ZDHHC23: variants seen among roughly 807,000 people sequenced by gnomAD.
ZDHHC23 encodes the protein zDHHC palmitoyltransferase 23, also known as palmitoyltransferase ZDHHC23.
In ZDHHC23, 41 loss-of-function variants were observed where a neutral mutation model predicts 40.2. That is an observed-to-expected ratio of 1.02 (90% confidence interval 0.79 to 1.32). The LOEUF (loss-of-function observed/expected upper bound fraction) is 1.32. Ranked by LOEUF, ZDHHC23 falls within the 40% of genes most tolerant of loss-of-function variation. The pLI is 0.00. For synonymous variants in ZDHHC23, 204 were observed against 210.2 expected, an observed-to-expected ratio of 0.97 and a Z score of 0.26; for missense variants, 471 against 541.5, an observed-to-expected ratio of 0.87 and a Z score of 1.29.
Position 113,960,187 on chromosome 3 carries a change from TC to T in ZDHHC23, c.*1559del. Reference sequence around the variant, plus strand: ...AGGAAATATTGCTACTTCCTGCACTTCCACCCTCTGCAGCCAGCACCGTCCC... The same window carrying T: ...AGGAAATATTGCTACTTCCTGCACTTCACCCTCTGCAGCCAGCACCGTCCC... On this transcript the variant is annotated 3_prime_UTR_variant, in exon 5 of 5. Transcript: ENST00000638807. 1 of 991,004 alleles carries T rather than the reference TC, an allele frequency of 1.0e-6. No individual in the cohort carries two copies. Among genetic ancestry groups the T allele is most frequent in the Non-Finnish European group, 1.2e-6 (1 of 833,272 alleles). 61.4% of individuals were successfully genotyped at this position (991,004 alleles called of 1,614,324 possible). A position where few individuals can be genotyped will look rare whatever the true frequency, so the allele number is the denominator to read the frequency against.
chr3:113,960,417 T>C lies in ZDHHC23; in HGVS notation c.*1787T>C, dbSNP rs150423123. ...TCTAGAATTAAAGTTGGATTTGATA[T>C]AACAAATTTCTTTCTATACAGGTTT... is the stretch of plus-strand genomic sequence containing the variant. On this transcript the variant is annotated 3_prime_UTR_variant, in exon 5 of 5. Coordinates refer to ENST00000638807, the MANE Select transcript of ZDHHC23 (RefSeq NM_001320466.2). The C allele has an allele frequency of 2.8e-4, 351 of 1,275,100 alleles. No homozygotes were observed. Among genetic ancestry groups the C allele is most frequent in the Non-Finnish European group, 3.4e-4 (342 of 1,012,616 alleles). The allele number at this position is 1,275,100 out of a possible 1,614,324, so 79.0% of individuals were successfully genotyped here.
downstream of ZDHHC23, among the ~76,000 whole-genome samples, chr3:113,969,921 CTG>C (rs1940629843): frequency 6.6e-6 from 1 of 152,158 alleles, no homozygotes; most frequent in African/African-American, 2.4e-5. Context: ...TGCATTGAAT[CTG>C]TAAATTGCTT....
Position 113,960,744 on chromosome 3 carries a change from C to T in ZDHHC23, c.*2114C>T. The T allele has an allele frequency of 6.4e-7, 1 of 1,566,998 alleles. No individual in the cohort carries two copies. The highest frequency in any genetic ancestry group is 2.3e-5 in the East Asian group (1 of 43,192). On this transcript the variant is annotated 3_prime_UTR_variant, in exon 5 of 5. Coordinates refer to ENST00000638807, the MANE Select transcript of ZDHHC23 (RefSeq NM_001320466.2). ...GGGTTACTTGGATGAGCCAACTCCG[C>T]TTCCTTCCCATGGATAGGAAGGGAC...
At chr3:113,965,209 T>C (rs796891887), downstream of ZDHHC23, 6 of 1,611,662 alleles carry the variant, frequency 3.7e-6, no homozygotes, top group Non-Finnish European at 3.4e-6. Flanking sequence ...ATTGCTGATA[T>C]AGCTCGTGGT....
chr3:113,973,969 CCTTTTCTTTTTT>C, the ZDHHC23 span, among the ~76,000 whole-genome samples: 11 of 150,248 alleles, frequency 7.3e-5, no homozygotes, highest in Non-Finnish European at 1.2e-4. Context: ...TGTCTTCATT[CCTTTTCTTTTTT>C]CTTTTCTCTT....
intron 3 of ZDHHC23, among the ~76,000 whole-genome samples, chr3:113,955,359 CGTGT>C (rs68123933): frequency 0.016 from 2,302 of 147,256 alleles, 22 homozygotes; most frequent in African/African-American, 0.033. Context: ...TTCACTTATT[CGTGT>C]GTGTGTGTGT....
At position 113,958,705 on chromosome 3, in the gene ZDHHC23, C is replaced by A. The variant is rs1355442474; in HGVS notation, c.*75C>A. On this transcript the variant is annotated 3_prime_UTR_variant, in exon 5 of 5. Transcript: ENST00000638807. ...CCCTTCCATTTTACACTTCAGTGTC[C>A]ATTTCTATCCCCAGTTTCTTAAAGG... 1 of 1,592,740 alleles carries A rather than the reference C, an allele frequency of 6.3e-7. No homozygotes were observed. The highest frequency in any genetic ancestry group is 1.1e-5 in the South Asian group (1 of 89,878).
At chr3:113,956,872 C>T (rs546075806) in intron 4 of ZDHHC23, among the ~76,000 whole-genome samples, 5 of 152,320 alleles carry the variant, frequency 3.3e-5, no homozygotes, top group Admixed American at 1.3e-4. Flanking sequence ...TTTGTCATAA[C>T]GATCAGAAAC....
rs1938363321 is a variant in ZDHHC23 at position 113,948,676 on chromosome 3, G to C, written c.-117-10G>C. The C allele has an allele frequency of 1.8e-6, 2 of 1,125,540 alleles. No homozygotes were observed. The highest frequency in any genetic ancestry group is 3.2e-5 in the South Asian group (2 of 61,828). The allele number at this position is 1,125,540 out of a possible 1,614,324, so 69.7% of individuals were successfully genotyped here. A position where few individuals can be genotyped will look rare whatever the true frequency, so the allele number is the denominator to read the frequency against. On this transcript the variant is annotated splice_polypyrimidine_tract_variant and intron_variant, in intron 1 of 4. Transcript: ENST00000638807. Reference sequence around the variant, plus strand: ...CCTCCCCCTCTCTCTTCTCATTTTTGATTGCTCAGGCGTTGGAGGTTAAGC... The same window carrying C: ...CCTCCCCCTCTCTCTTCTCATTTTTCATTGCTCAGGCGTTGGAGGTTAAGC...
the ZDHHC23 span, among the ~76,000 whole-genome samples, chr3:113,973,278 A>G: frequency 1.3e-5 from 2 of 152,144 alleles, no homozygotes; most frequent in Non-Finnish European, 2.9e-5. Flanking sequence ...AGGCTGCTGT[A>G]GCTATTACTG....
chr3:113,963,389 T>C (rs959556882), downstream of ZDHHC23: 4 of 151,934 alleles, frequency 2.6e-5, no homozygotes, highest in African/African-American at 7.3e-5. Flanking sequence ...GTGGGATTTA[T>C]TTATGCGCCT....
downstream of ZDHHC23, chr3:113,963,404 T>C (rs749534230): frequency 5.3e-5 from 8 of 151,948 alleles, no homozygotes; most frequent in Non-Finnish European, 8.8e-5. Flanking sequence ...GCGCCTGGCA[T>C]GTTGACTTAA....
chr3:113,978,238 C>T, the ZDHHC23 span: 15 of 1,614,052 alleles, frequency 9.3e-6, no homozygotes, highest in East Asian at 3.1e-4. Flanking sequence ...TCGATCTTCA[C>T]CTCCCTGACC....
At chr3:113,969,862 A>AT (rs957959432), downstream of ZDHHC23, among the ~76,000 whole-genome samples, 125 of 151,752 alleles carry the variant, frequency 8.2e-4, 1 homozygote, top group Middle Eastern at 6.8e-3. Flanking sequence ...AATATTAGGA[A>AT]TTTTTTTTCT....
the ZDHHC23 span, among the ~76,000 whole-genome samples, chr3:113,973,283 T>C: frequency 3.9e-5 from 6 of 152,208 alleles, no homozygotes; most frequent in Non-Finnish European, 2.9e-5. Context: ...GCTGTAGCTA[T>C]TACTGTTTTT....
At position 113,960,981 on chromosome 3, in the gene ZDHHC23, A is replaced by G. The variant is rs1055985007; in HGVS notation, c.*2351A>G. 3 of 473,940 alleles carry G rather than the reference A, an allele frequency of 6.3e-6. No homozygotes were observed. Among genetic ancestry groups the G allele is most frequent in the African/African-American group, 6.1e-5 (3 of 49,280 alleles). The allele number at this position is 473,940 out of a possible 1,614,324, so 29.4% of individuals were successfully genotyped here. ...GTAGGCTCTGTGACATCTTTGGTTT[A>G]TAGGATTTTGGAGCCTTTTATGATC... On this transcript the variant is annotated 3_prime_UTR_variant, in exon 5 of 5. Coordinates refer to ENST00000638807, the MANE Select transcript of ZDHHC23 (RefSeq NM_001320466.2).
downstream of ZDHHC23, chr3:113,964,921 C>T (rs1310096791): frequency 4.9e-5 from 17 of 343,510 alleles, no homozygotes; most frequent in Middle Eastern, 7.6e-4. Flanking sequence ...TTTGAACAGA[C>T]GATCTCTAGA....
At chr3:113,953,656 C>G (rs1938894402) in intron 2 of ZDHHC23, 44 bp from the exon 3 acceptor site, 1 of 1,533,792 alleles carries the variant, frequency 6.5e-7, no homozygotes, top group Admixed American at 1.8e-5. Flanking sequence ...TTTAATTCAA[C>G]AAACCCACAT....
rs1194386364 is a variant in ZDHHC23 at position 113,960,688 on chromosome 3, G to A, written c.*2058G>A. On this transcript the variant is annotated 3_prime_UTR_variant, in exon 5 of 5. Transcript: ENST00000638807. ...ATAATTTGGGAGAATTAGGAATGAT[G>A]ACAATTTTTTTTAACAACTTACCTC... 6.2e-7 allele frequency: 1 copy of A among 1,606,048 alleles called. No individual in the cohort carries two copies. The highest frequency in any genetic ancestry group is 1.7e-5 in the Admixed American group (1 of 58,504).
Sources: allele counts gnomAD v4.1 joint callset (sites outside exome capture counted in the v4.1 genomes callset), GRCh38; gene constraint gnomAD v4.1.1; transcripts MANE v1.5; gene names NCBI Gene and HGNC (gene_info 2026-07-23, HGNC 2026-07-21).